The following RBPJ variants were observed in gnomAD, a reference collection of about 807,000 sequenced individuals.
The protein encoded by RBPJ is recombining binding protein suppressor of hairless.
Under a neutral mutation model 67.8 loss-of-function variants are expected in RBPJ, and 9 were observed. The observed-to-expected ratio is 0.13, with a 90% CI of 0.08 to 0.23. RBPJ has a LOEUF of 0.23. Ranked by LOEUF, RBPJ falls within the 10% of genes least tolerant of loss-of-function variation. RBPJ has a pLI of 1.00. For synonymous variants in RBPJ, 198 were observed against 203.3 expected, an observed-to-expected ratio of 0.97 and a Z score of 0.22; for missense variants, 305 against 595.6, an observed-to-expected ratio of 0.51 and a Z score of 5.08.
the RBPJ span, among the ~76,000 whole-genome samples, chr4:26,158,293 C>G: frequency 6.6e-6 from 1 of 152,242 alleles, no homozygotes; most frequent in Admixed American, 6.5e-5. Flanking sequence ...GTGGATGGCC[C>G]ATGGACTTCA....
At chr4:26,119,059 G>T in the RBPJ span, among the ~76,000 whole-genome samples, 1 of 152,086 alleles carries the variant, frequency 6.6e-6, no homozygotes, top group African/African-American at 2.4e-5. Context: ...GCATTGATCC[G>T]GGTCTCAGTT....
chr4:26,288,614 A>G (rs912753775), intron 1 of RBPJ, among the ~76,000 whole-genome samples: 1 of 152,228 alleles, frequency 6.6e-6, no homozygotes, highest in Non-Finnish European at 1.5e-5. Context: ...AGGAGTATCA[A>G]AGAACTTGCA....
chr4:26,152,783 G>A, the RBPJ span, among the ~76,000 whole-genome samples: 1 of 152,240 alleles, frequency 6.6e-6, no homozygotes, highest in Non-Finnish European at 1.5e-5. Flanking sequence ...GTTGAAAAGA[G>A]TGGAATGAAT....
chr4:26,264,014 A>G lies in RBPJ; in HGVS notation c.-166-98432A>G, dbSNP rs1201374306. Among the ~76,000 whole-genome samples the G allele has an allele frequency of 6.6e-6, 1 of 151,980 alleles. No homozygotes were observed. The highest frequency in any genetic ancestry group is 1.5e-5 in the Non-Finnish European group (1 of 68,004). ...CTCAGCCTCCTGAGTAGCTGGGACT[A>G]CAGACGTGTGCCACCACGTCCTGCT... On this transcript the variant is annotated intron_variant, in intron 1 of 4. Transcript: ENST00000512351. The surrounding 1 kb of genome is among the most constrained non-coding windows in gnomAD (Gnocchi z 4.1).
At chr4:26,244,937 A>C (rs1366775058) in intron 1 of RBPJ, among the ~76,000 whole-genome samples, 1 of 151,942 alleles carries the variant, frequency 6.6e-6, no homozygotes, top group Admixed American at 6.5e-5. Context: ...TCTAATAAGA[A>C]TAGTTTAAAA....
chr4:26,123,731 T>C, the RBPJ span, among the ~76,000 whole-genome samples: 1 of 152,294 alleles, frequency 6.6e-6, no homozygotes, highest in South Asian at 2.1e-4. Flanking sequence ...TGTTAAACTT[T>C]GTTGTTAAAA....
At chr4:26,107,283 T>G in the RBPJ span, among the ~76,000 whole-genome samples, 1 of 152,150 alleles carries the variant, frequency 6.6e-6, no homozygotes, top group South Asian at 2.1e-4. Context: ...AATTCAGGAC[T>G]CCTCCTAACA....
chr4:26,295,552 A>G (rs570510165), intron 1 of RBPJ, among the ~76,000 whole-genome samples: 1 of 152,262 alleles, frequency 6.6e-6, no homozygotes, highest in African/African-American at 2.4e-5. Context: ...TGGAAGGAAG[A>G]TACTAATGGC....
chr4:26,156,895 C>A, the RBPJ span, among the ~76,000 whole-genome samples: 36 of 104,458 alleles, frequency 3.4e-4, no homozygotes, highest in Non-Finnish European at 9.9e-5. Flanking sequence ...CATGGTGAAA[C>A]CTTGTCTCTA....
intron 1 of RBPJ, among the ~76,000 whole-genome samples, chr4:26,380,491 G>A (rs1276667790): frequency 1.3e-5 from 2 of 152,082 alleles, no homozygotes; most frequent in South Asian, 2.1e-4. Flanking sequence ...TTTTTTTTGT[G>A]TGTGTAAATT....
upstream of RBPJ, among the ~76,000 whole-genome samples, chr4:26,162,836 A>G (rs541248616): frequency 2.6e-5 from 4 of 152,318 alleles, no homozygotes; most frequent in African/African-American, 9.6e-5. Context: ...CTACAGATGA[A>G]GTATGCTATC....
chr4:26,316,963 T>G (rs892446588), upstream of RBPJ, among the ~76,000 whole-genome samples: 2 of 150,464 alleles, frequency 1.3e-5, no homozygotes, highest in African/African-American at 4.9e-5. Flanking sequence ...CTAGGAGGCT[T>G]AGTCTTCAGA....
At chr4:26,298,994 G>A (rs138836847) in intron 1 of RBPJ, among the ~76,000 whole-genome samples, 2 of 152,094 alleles carry the variant, frequency 1.3e-5, no homozygotes, top group Admixed American at 6.5e-5. Context: ...AGCTGAATTC[G>A]TACCTCCGAA....
chr4:26,177,345 G>A (rs1460286083), intron 1 of RBPJ, among the ~76,000 whole-genome samples: 2 of 152,236 alleles, frequency 1.3e-5, no homozygotes, highest in African/African-American at 4.8e-5. Flanking sequence ...GGAGGCCAAG[G>A]AGGGCAGATC....
At chr4:26,158,994 C>G (rs1445852155), upstream of RBPJ, among the ~76,000 whole-genome samples, 1 of 122,996 alleles carries the variant, frequency 8.1e-6, no homozygotes, top group East Asian at 2.4e-4. Flanking sequence ...AATTTAGTCC[C>G]TTTCAGAATG....
At chr4:26,393,840 T>A (rs1212948340) in intron 2 of RBPJ, among the ~76,000 whole-genome samples, 4 of 147,518 alleles carry the variant, frequency 2.7e-5, no homozygotes, top group African/African-American at 9.9e-5. Flanking sequence ...TTTTATTCCT[T>A]AAAAAAAAAA....
chr4:26,131,917 G>A, the RBPJ span, among the ~76,000 whole-genome samples: 1 of 152,228 alleles, frequency 6.6e-6, no homozygotes, highest in Admixed American at 6.5e-5. Flanking sequence ...GGTAGTTGAA[G>A]GCAATCCCCG....
rs1284305194 is a variant in RBPJ, at chr4:26,214,430, AAG to A, written c.-167+50824_-167+50825del. ...AGAGAGAGAAAGAAAGAAAGAGAAAAAGAGAGAGAAAGAGAAAGAAAAAGAAA... is the reference window on the plus strand; with the variant it reads ...AGAGAGAGAAAGAAAGAAAGAGAAAAAGAGAGAAAGAGAAAGAAAAAGAAA... On this transcript the variant is annotated intron_variant, in intron 1 of 4. Coordinates refer to the RBPJ transcript ENST00000512351. Among the ~76,000 whole-genome samples, 17 of 141,358 alleles carry A rather than the reference AAG, an allele frequency of 1.2e-4. 1 individual carries two copies. Among genetic ancestry groups the A allele is most frequent in the African/African-American group, 3.5e-4 (13 of 37,674 alleles). 92.7% of individuals were successfully genotyped at this position (141,358 alleles called of 152,430 possible).
chr4:26,164,619 C>T (rs1716194426), intron 1 of RBPJ, among the ~76,000 whole-genome samples: 1 of 152,194 alleles, frequency 6.6e-6, no homozygotes, highest in African/African-American at 2.4e-5. Context: ...TCCAAAAGTA[C>T]TTGGATGCAG....
Sources: allele counts gnomAD v4.1 joint callset (sites outside exome capture counted in the v4.1 genomes callset), GRCh38; gene constraint gnomAD v4.1.1; non-coding constraint Gnocchi (gnomAD v3.1); transcripts MANE v1.5; gene names NCBI Gene and HGNC (gene_info 2026-07-23, HGNC 2026-07-21).